Variants in UBE2D2 observed in about 807,000 individuals in gnomAD.
The protein encoded by UBE2D2 is ubiquitin conjugating enzyme E2 D2.
Under a neutral mutation model 24.2 loss-of-function variants are expected in UBE2D2, and 2 were observed. The observed-to-expected ratio is 0.08, with a 90% CI of 0.03 to 0.26. UBE2D2 has a LOEUF of 0.26. Ranked by LOEUF, UBE2D2 falls within the 10% of genes least tolerant of loss-of-function variation. The probability of loss-of-function intolerance (pLI) is 1.00; values close to 1 mark genes in which losing one functional copy is unlikely to be tolerated. For synonymous variants in UBE2D2, 58 were observed against 56.5 expected, an observed-to-expected ratio of 1.03 and a Z score of -0.12; for missense variants, 44 against 177.6, an observed-to-expected ratio of 0.25 and a Z score of 4.28.
intron 2 of UBE2D2, 107 bp downstream of exon 2, chr5:139,600,542 A>G (rs1432779219): frequency 1.9e-6 from 2 of 1,068,284 alleles, no homozygotes; most frequent in Admixed American, 4.6e-5. Flanking sequence ...TTAGTGGCCC[A>G]TGAAGGGAGC....
chr5:139,592,436 C>T (rs1753863620), intron 1 of UBE2D2, among the ~76,000 whole-genome samples: 1 of 151,974 alleles, frequency 6.6e-6, no homozygotes, highest in Non-Finnish European at 1.5e-5. Flanking sequence ...CTTGTTAGAA[C>T]AGTTTGGCTC....
intron 1 of UBE2D2, among the ~76,000 whole-genome samples, chr5:139,531,587 C>T (rs1752597277): frequency 6.7e-6 from 1 of 149,538 alleles, no homozygotes; most frequent in Non-Finnish European, 1.5e-5. Flanking sequence ...ATCACATACC[C>T]CTGCACTCCA....
intron 2 of UBE2D2, among the ~76,000 whole-genome samples, chr5:139,613,780 A>G (rs575387790): frequency 6.6e-6 from 1 of 152,306 alleles, no homozygotes; most frequent in Non-Finnish European, 1.5e-5. Flanking sequence ...TGTCCCCCGT[A>G]TACCAGCATT....
intron 1 of UBE2D2, chr5:139,562,227 T>G: frequency 7.3e-6 from 10 of 1,370,538 alleles, no homozygotes; most frequent in Non-Finnish European, 9.7e-6. Context: ...TGTTCCCTCC[T>G]CCCACACCTG....
intron 1 of UBE2D2, among the ~76,000 whole-genome samples, chr5:139,535,575 G>A (rs898115720): frequency 2.9e-4 from 43 of 150,800 alleles, no homozygotes; most frequent in Admixed American, 2.4e-3. Flanking sequence ...GTTGCAGTGA[G>A]CCGAGATCAC....
At chr5:139,618,110 AT>A (rs1256063321) in intron 5 of UBE2D2, among the ~76,000 whole-genome samples, 1 of 151,778 alleles carries the variant, frequency 6.6e-6, no homozygotes, top group Non-Finnish European at 1.5e-5. Flanking sequence ...AGCAGCTGGG[AT>A]TATAGGGCAT....
At chr5:139,556,335 G>C (rs1478130555), upstream of UBE2D2, among the ~76,000 whole-genome samples, 1 of 152,180 alleles carries the variant, frequency 6.6e-6, no homozygotes, top group Non-Finnish European at 1.5e-5. Context: ...CTGAACCCGG[G>C]AGGTGGAGGT....
chr5:139,610,793 G>A (rs1454653282), intron 2 of UBE2D2, among the ~76,000 whole-genome samples: 2 of 152,024 alleles, frequency 1.3e-5, no homozygotes, highest in African/African-American at 4.8e-5. Context: ...GGAGGTGGAG[G>A]TTGAGCTGAG....
chr5:139,577,396 G>C (rs1470097022), intron 1 of UBE2D2, among the ~76,000 whole-genome samples: 2 of 145,436 alleles, frequency 1.4e-5, no homozygotes, highest in African/African-American at 5.0e-5. Context: ...ATGCCAGTTA[G>C]CATCTCTCTT....
intron 1 of UBE2D2, among the ~76,000 whole-genome samples, chr5:139,586,751 C>T (rs1022366987): frequency 3.3e-5 from 5 of 151,358 alleles, no homozygotes; most frequent in African/African-American, 9.7e-5. Context: ...GGCGACAGAG[C>T]GAGACTCCGT....
chr5:139,536,309 G>C (rs2126629516), intron 1 of UBE2D2, among the ~76,000 whole-genome samples: 1 of 151,810 alleles, frequency 6.6e-6, no homozygotes, highest in East Asian at 1.9e-4. Flanking sequence ...ACATTGGTCA[G>C]GCTGGTCTCG....
rs188857386 is a variant in UBE2D2, at chr5:139,562,585, A to G, written c.24+770A>G. Among the ~76,000 whole-genome samples, 38 of 152,278 alleles carry G rather than the reference A, an allele frequency of 2.5e-4. No homozygotes were observed. In the East Asian group the frequency reaches 4.2e-3, roughly 17 times the overall value. ...TGAAAACCACCAGAGAAATTATACA[A>G]AAGTTCCTTTCACAGCCTCTTCGCA... is the stretch of plus-strand genomic sequence containing the variant. On this transcript the variant is annotated intron_variant, in intron 1 of 6. Coordinates refer to ENST00000398733, the MANE Select transcript of UBE2D2 (RefSeq NM_003339.3).
chr5:139,562,396 GAAAA>G (rs750789439), intron 1 of UBE2D2: 2 of 1,182,052 alleles, frequency 1.7e-6, no homozygotes, highest in African/African-American at 1.6e-5. Context: ...AAGTTCAGAA[GAAAA>G]AAAAAAGGTG....
chr5:139,609,137 G>A (rs539764463), intron 2 of UBE2D2, among the ~76,000 whole-genome samples: 2 of 152,234 alleles, frequency 1.3e-5, no homozygotes, highest in South Asian at 2.1e-4. Flanking sequence ...CTTAAGTCTG[G>A]TAGTAGTATT....
At chr5:139,581,293 C>CA (rs1281602854) in intron 1 of UBE2D2, among the ~76,000 whole-genome samples, 1 of 151,746 alleles carries the variant, frequency 6.6e-6, no homozygotes, top group Non-Finnish European at 1.5e-5. Context: ...CTAAAAATAA[C>CA]AAAAAATTAG....
intron 1 of UBE2D2, among the ~76,000 whole-genome samples, chr5:139,529,993 C>G (rs1004296452): frequency 6.6e-6 from 1 of 152,146 alleles, no homozygotes; most frequent in African/African-American, 2.4e-5. Flanking sequence ...CCCAAAAGAA[C>G]CACCCTGACA....
At position 139,623,354 on chromosome 5, in the gene UBE2D2, T is replaced by G; in HGVS notation, c.305-14T>G. ...TTGATCCTCTGCTAATTTATATGAT[T>G]TTTTTCATTCTAGTACTCTTGTCCA... On this transcript the variant is annotated splice_polypyrimidine_tract_variant and intron_variant, in intron 5 of 6. Transcript: ENST00000398733. 1 of 1,560,710 alleles carries G rather than the reference T, an allele frequency of 6.4e-7. No homozygotes were observed.
intron 1 of UBE2D2, among the ~76,000 whole-genome samples, chr5:139,564,278 C>T (rs968760103): frequency 6.6e-6 from 1 of 151,524 alleles, no homozygotes; most frequent in African/African-American, 2.4e-5. Flanking sequence ...TTCAGCCTCC[C>T]GAGTAGCTGG....
chr5:139,605,922 T>A (rs1393255041), intron 2 of UBE2D2, among the ~76,000 whole-genome samples: 1 of 150,682 alleles, frequency 6.6e-6, no homozygotes, highest in Admixed American at 6.6e-5. Flanking sequence ...AAAAAAAAAA[T>A]TGTAGCAATA....
Sources: allele counts gnomAD v4.1 joint callset (sites outside exome capture counted in the v4.1 genomes callset), GRCh38; gene constraint gnomAD v4.1.1; transcripts MANE v1.5; gene names NCBI Gene and HGNC (gene_info 2026-07-23, HGNC 2026-07-21).